TOGARAM1: variants seen among roughly 807,000 people sequenced by gnomAD.
The protein encoded by TOGARAM1 is TOG array regulator of axonemal microtubules protein 1.
In TOGARAM1, 100 loss-of-function variants were observed where a neutral mutation model predicts 166.6. The observed-to-expected ratio is 0.60, with a 90% CI of 0.51 to 0.71. The LOEUF is 0.71. Ranked by LOEUF, TOGARAM1 falls within the 30% of genes least tolerant of loss-of-function variation. TOGARAM1 has a pLI of 0.00. For missense variants in TOGARAM1, 2,029 were observed against 2,102.7 expected (o/e 0.96, Z 0.69); for synonymous variants, 758 against 763.8 (o/e 0.99, Z 0.13).
In TOGARAM1 at chr14:44,964,366, G is replaced by T; in HGVS notation, c.1945G>T (p.Val649Leu). Residue 649 changes from valine (V) to leucine (L), a missense_variant, in exon 1 of 20, where the codon GTA becomes TTA. This residue lies in a region of TOGARAM1 where 1,453 missense variants were observed against 1,432.2 expected (regional missense o/e 1.01). Coordinates refer to ENST00000361462, the MANE Select transcript of TOGARAM1 (RefSeq NM_001308120.2). ...SYSPTICTRR[V>L]LSAGKGKNKL... ...CAGCCCAACTATCTGTACCCGAAGG[G>T]TATTAAGTGCAGGAAAAGGAAAAAA... 1.2e-6 allele frequency: 2 copies of T among 1,614,056 alleles called. No individual in the cohort carries two copies. Among genetic ancestry groups the T allele is most frequent in the Non-Finnish European group, 1.7e-6 (2 of 1,180,000 alleles).
At chr14:44,993,618 A>G (rs1380255621) in intron 1 of TOGARAM1, among the ~76,000 whole-genome samples, 1 of 152,202 alleles carries the variant, frequency 6.6e-6, no homozygotes, top group African/African-American at 2.4e-5. Context: ...TCGTCCCATC[A>G]AAACTTACCC....
intron 2 of TOGARAM1, 195 bp downstream of exon 2, chr14:44,996,097 G>GT: frequency 2.6e-6 from 1 of 390,786 alleles, no homozygotes; most frequent in Non-Finnish European, 4.5e-6. Context: ...CACTGAAATC[G>GT]TTTAAGTATT....
intron 12 of TOGARAM1, 113 bp from the exon 13 acceptor site, chr14:45,044,522 C>A (rs1056327931): frequency 8.3e-6 from 6 of 726,638 alleles, no homozygotes; most frequent in Non-Finnish European, 1.1e-5. Flanking sequence ...GCCTGGTCGA[C>A]AGAGCGAGAC....
chr14:45,016,190 G>A (rs1488831545), intron 7 of TOGARAM1, among the ~76,000 whole-genome samples: 1 of 152,116 alleles, frequency 6.6e-6, no homozygotes, highest in Admixed American at 6.5e-5. Flanking sequence ...GAGCTCAGGG[G>A]TTTGAGACCA....
intron 11 of TOGARAM1, among the ~76,000 whole-genome samples, chr14:45,033,308 T>G (rs1378012151): frequency 6.6e-6 from 1 of 152,132 alleles, no homozygotes; most frequent in Non-Finnish European, 1.5e-5. Flanking sequence ...GGCATTCTCT[T>G]TCTACATTCA....
chr14:45,062,821 T>C (rs1343458490), intron 16 of TOGARAM1, among the ~76,000 whole-genome samples: 1 of 152,206 alleles, frequency 6.6e-6, no homozygotes, highest in African/African-American at 2.4e-5. Context: ...ATTTTCAACA[T>C]ACAGTGGGTT....
At chr14:45,037,817 G>A (rs1290739577) in intron 11 of TOGARAM1, among the ~76,000 whole-genome samples, 1 of 151,256 alleles carries the variant, frequency 6.6e-6, no homozygotes. Context: ...CACGAGGTCA[G>A]GAGATTGAGA....
intron 1 of TOGARAM1, among the ~76,000 whole-genome samples, chr14:44,976,109 T>G (rs1886174452): frequency 6.6e-6 from 1 of 152,180 alleles, no homozygotes; most frequent in Admixed American, 6.5e-5. Flanking sequence ...TTCAGAGTTC[T>G]CAAATCTCAC....
In TOGARAM1 at chr14:44,963,172, C is replaced by T; in HGVS notation, c.751C>T (p.Leu251=). ...TACTACTGAGGACTTGTTGCTTGGT[C>T]TGGATCTCACCGAGGTGATAATATC... ...LLTTEDLLLG[L]DLTEVIISLA... is the part of the protein sequence containing the mutation. The change falls in exon 1 of 20, where the codon CTG becomes TTG. Residue 251 remains leucine (L), a synonymous_variant. Coordinates refer to ENST00000361462, the MANE Select transcript of TOGARAM1 (RefSeq NM_001308120.2). The T allele has an allele frequency of 1.2e-6, 2 of 1,614,204 alleles. No homozygotes were observed. The highest frequency in any genetic ancestry group is 1.7e-6 in the Non-Finnish European group (2 of 1,180,048).
In TOGARAM1 at chr14:45,063,929, T is replaced by G. The variant is rs114350388; in HGVS notation, c.4560-2649T>G. ...CATCTCTCCTTCCTTTGATATGTTA[T>G]CACCCTTGATATCTGATCAAGTTCC... On this transcript the variant is annotated intron_variant, in intron 16 of 19. Transcript: ENST00000361462. Among the ~76,000 whole-genome samples the G allele has an allele frequency of 6.6e-3, 1,010 of 152,296 alleles. 10 individuals carry two copies. Among genetic ancestry groups the G allele is most frequent in the African/African-American group, 0.023 (956 of 41,562 alleles).
In TOGARAM1 at chr14:44,980,835, A is replaced by G. The variant is rs531792490; in HGVS notation, c.2047-14911A>G. Among the ~76,000 whole-genome samples the G allele has an allele frequency of 1.3e-4, 19 of 151,930 alleles. No individual in the cohort carries two copies. In the South Asian group the frequency reaches 3.9e-3, roughly 31 times the overall value. The stretch of plus-strand genomic sequence containing the variant: ...TTTTTGTTTGTTTCTCTTTTGGGGG[A>G]GGGGGTCTTTTCTTTTTAAAACAAT... On this transcript the variant is annotated intron_variant, in intron 1 of 19. Coordinates refer to ENST00000361462, the MANE Select transcript of TOGARAM1 (RefSeq NM_001308120.2).
chr14:45,062,523 T>C (rs1405498736), intron 16 of TOGARAM1, among the ~76,000 whole-genome samples: 1 of 152,150 alleles, frequency 6.6e-6, no homozygotes, highest in East Asian at 1.9e-4. Flanking sequence ...ATTTAAGACA[T>C]GCAATTCAAT....
chr14:45,009,124 C>T lies in TOGARAM1; in HGVS notation c.3116C>T (p.Thr1039Ile), dbSNP rs1001361429. Residue 1039 changes from threonine (T) to isoleucine (I), a missense_variant, in exon 6 of 20, where the codon ACT (threonine) becomes ATT (isoleucine). Physicochemically the swap from Thr to Ile is moderately conservative, Grantham distance 89. Around this residue, in one of 2 missense-constraint regions of TOGARAM1, gnomAD observed 1,453 missense variants for 1,432.2 expected, o/e 1.01. Coordinates refer to ENST00000361462, the MANE Select transcript of TOGARAM1 (RefSeq NM_001308120.2). ...QESLTSSLST[T>I]PQGKRIMSDI... ...TCATTGACTTCTTCTCTGTCTACAA[C>T]TCCCCAGGGGAAGAGAATAATGTAT... 6.2e-7 allele frequency: 1 copy of T among 1,612,784 alleles called. No homozygotes were observed. The highest frequency in any genetic ancestry group is 8.5e-7 in the Non-Finnish European group (1 of 1,178,970).
At chr14:45,037,469 A>T (rs537791997) in intron 11 of TOGARAM1, among the ~76,000 whole-genome samples, 1 of 152,212 alleles carries the variant, frequency 6.6e-6, no homozygotes, top group Non-Finnish European at 1.5e-5. Flanking sequence ...GGTGTAATAC[A>T]GTCTGTGTAA....
chr14:45,002,285 G>T (rs902651801), intron 3 of TOGARAM1, among the ~76,000 whole-genome samples: 2 of 152,136 alleles, frequency 1.3e-5, no homozygotes, highest in African/African-American at 4.8e-5. Flanking sequence ...GAGAGAGCTT[G>T]CTGTGCCACT....
chr14:45,028,122 AT>A, intron 9 of TOGARAM1, 53 bp from the exon 10 acceptor site: 1 of 1,465,338 alleles, frequency 6.8e-7, no homozygotes, highest in Non-Finnish European at 9.2e-7. Context: ...AGATGAAGAT[AT>A]TTTAAATATC....
intron 1 of TOGARAM1, among the ~76,000 whole-genome samples, chr14:44,980,739 T>C (rs1886486128): frequency 6.6e-6 from 1 of 152,170 alleles, no homozygotes; most frequent in Non-Finnish European, 1.5e-5. Context: ...GGGGCTAGAT[T>C]GGAGACTCTT....
At chr14:44,965,514 A>T (rs531555190) in intron 1 of TOGARAM1, among the ~76,000 whole-genome samples, 1 of 152,298 alleles carries the variant, frequency 6.6e-6, no homozygotes, top group Non-Finnish European at 1.5e-5. Context: ...TTACATTTAT[A>T]TGTTTACTTG....
intron 11 of TOGARAM1, among the ~76,000 whole-genome samples, chr14:45,040,007 C>G (rs527960844): frequency 6.6e-6 from 1 of 152,302 alleles, no homozygotes; most frequent in Admixed American, 6.5e-5. Context: ...CCACCTACAG[C>G]AGCAGAATTC....
Sources: gnomAD v4.1 joint callset for allele counts (sites outside exome capture counted in the v4.1 genomes callset) on GRCh38, gnomAD v4.1.1 for gene constraint, gnomAD v4.1.1 regional missense constraint, MANE v1.5 for transcripts, NCBI Gene and HGNC (gene_info 2026-07-23, HGNC 2026-07-21) for gene names.